Variants in OSBPL7 observed in about 807,000 individuals in gnomAD.
The protein encoded by OSBPL7 is oxysterol-binding protein-related protein 7.
OSBPL7 carries 66 observed loss-of-function variants against 115.8 expected under a neutral mutation model. That is an observed-to-expected ratio of 0.57 (90% CI 0.47 to 0.70). The LOEUF is 0.70. Ranked by LOEUF, OSBPL7 falls within the 30% of genes least tolerant of loss-of-function variation. The pLI is 0.00. For synonymous variants in OSBPL7, 441 were observed against 439.2 expected, an observed-to-expected ratio of 1.00 and a Z score of -0.05; for missense variants, 902 against 1,125.5, an observed-to-expected ratio of 0.80 and a Z score of 2.84.
intron 1 of OSBPL7, among the ~76,000 whole-genome samples, chr17:47,821,427 A>G (rs1449785009): frequency 1.3e-5 from 2 of 152,290 alleles, no homozygotes; most frequent in Non-Finnish European, 1.5e-5. Flanking sequence ...TCAGCCATTG[A>G]AAGTTCTCAA....
chr17:47,818,730 G>A, intron 5 of OSBPL7, 114 bp from the exon 6 acceptor site: 2 of 971,044 alleles, frequency 2.1e-6, no homozygotes, highest in East Asian at 2.6e-5. Flanking sequence ...ACAGAGCCTG[G>A]TTTGTGCAAG....
intron 12 of OSBPL7, chr17:47,815,726 C>T (rs1405634259): frequency 6.5e-6 from 2 of 308,388 alleles, no homozygotes; most frequent in African/African-American, 2.2e-5. Context: ...ATCACAAAGC[C>T]GGCAGGCAGG....
chr17:47,821,578 C>T (rs1195012892), intron 1 of OSBPL7, 88 bp downstream of exon 1: 1 of 152,248 alleles, frequency 6.6e-6, no homozygotes, highest in African/African-American at 2.4e-5. Context: ...TGCCCCCTCT[C>T]CACCTCTATT....
chr17:47,818,431 T>C (rs747565705), intron 6 of OSBPL7, 45 bp from the exon 7 acceptor site: 1 of 1,599,046 alleles, frequency 6.3e-7, no homozygotes, highest in South Asian at 1.1e-5. Context: ...CCCACCTCCC[T>C]GGGTCTCACA....
intron 4 of OSBPL7, chr17:47,819,409 C>A (rs1272900590): frequency 1.8e-6 from 1 of 564,468 alleles, no homozygotes; most frequent in East Asian, 3.0e-5. Context: ...GCCTTCAGTT[C>A]CTTGTTCCCA....
Position 47,816,727 on chromosome 17 carries a change from G to A in OSBPL7, c.796-32C>T, listed in dbSNP as rs376662949. Reference sequence around the variant, plus strand: ...GTGAAGGGGAAGGGCTGAAGGGGCCGGCCTCCTTAGAGCATCCTGCCCCAG... The same window carrying A: ...GTGAAGGGGAAGGGCTGAAGGGGCCAGCCTCCTTAGAGCATCCTGCCCCAG... On this transcript the variant is annotated intron_variant, in intron 9 of 22. Transcript: ENST00000007414. The surrounding 1 kb of genome is among the most constrained non-coding windows in gnomAD (Gnocchi z 5.8). 189 of 1,613,864 alleles carry A rather than the reference G, an allele frequency of 1.2e-4. No homozygotes were observed. The highest frequency in any genetic ancestry group is 1.5e-4 in the Non-Finnish European group (175 of 1,179,924).
At position 47,819,737 on chromosome 17, in the gene OSBPL7, G is replaced by T. The variant is rs375843550; in HGVS notation, c.247C>A (p.Arg83=). ...EDGILHYATT[R]QDITKGKLHG... ...CCACTGCCCGGGCTCACGTCTTGCCGGGTTGTTGCATAATGAAGGATCCCG... is the reference window on the plus strand; with the variant it reads ...CCACTGCCCGGGCTCACGTCTTGCCTGGTTGTTGCATAATGAAGGATCCCG... The change falls in exon 4 of 23, where the codon CGG becomes AGG. Residue 83 remains arginine (R), a synonymous_variant. Coordinates refer to ENST00000007414, the MANE Select transcript of OSBPL7 (RefSeq NM_145798.3). 2 of 1,614,104 alleles carry T rather than the reference G, an allele frequency of 1.2e-6. No homozygotes were observed. Among genetic ancestry groups the T allele is most frequent in the Non-Finnish European group, 1.7e-6 (2 of 1,180,006 alleles).
In OSBPL7 at chr17:47,820,298, C is replaced by A; in HGVS notation, c.-20G>T. ...GTCCATGGAGAAGGGAGAGGCCACT[C>A]CCTGCTGGGGATGTAGAGCAGGGAG... On this transcript the variant is annotated 5_prime_UTR_variant, in exon 2 of 23. Coordinates refer to ENST00000007414, the MANE Select transcript of OSBPL7 (RefSeq NM_145798.3). 1 of 1,610,936 alleles carries A rather than the reference C, an allele frequency of 6.2e-7. No individual in the cohort carries two copies. The highest frequency in any genetic ancestry group is 8.5e-7 in the Non-Finnish European group (1 of 1,178,510).
intron 13 of OSBPL7, 91 bp downstream of exon 13, chr17:47,815,124 G>A: frequency 1.3e-6 from 2 of 1,490,628 alleles, no homozygotes; most frequent in South Asian, 1.3e-5. Flanking sequence ...GTGAGAAGGG[G>A]CTGAGGAATC....
Position 47,808,734 on chromosome 17 carries a change from C to G in OSBPL7, c.2298-74G>C. The G allele has an allele frequency of 5.6e-6, 9 of 1,605,626 alleles. No individual in the cohort carries two copies. In the South Asian group the frequency reaches 1.0e-4, roughly 18 times the overall value. On this transcript the variant is annotated intron_variant, in intron 21 of 22. Transcript: ENST00000007414. The surrounding 1 kb of genome is among the most constrained non-coding windows in gnomAD (Gnocchi z 6.1). The stretch of plus-strand genomic sequence containing the variant: ...CCAAACCCAAGGCCTCTGTCTCTGC[C>G]CAACTCTGTCCTCTAGACAAGCCCC...
intron 15 of OSBPL7, 50 bp from the exon 16 acceptor site, chr17:47,813,453 C>T: frequency 6.2e-7 from 1 of 1,609,884 alleles, no homozygotes; most frequent in South Asian, 1.1e-5. Flanking sequence ...GCCGCCACCC[C>T]AAGCAAGCAA....
In OSBPL7 at chr17:47,813,579, G is replaced by C. The variant is rs374704495; in HGVS notation, c.1599+8C>G. The C allele has an allele frequency of 1.2e-6, 2 of 1,607,466 alleles. No individual in the cohort carries two copies. Among genetic ancestry groups the C allele is most frequent in the African/African-American group, 1.3e-5 (1 of 74,964 alleles). Reference sequence around the variant, plus strand: ...CTTGGGCTGGGCGTGAGGACAGGAAGCAGGTACCATGCGCTCGCAGGGGTC... The same window carrying C: ...CTTGGGCTGGGCGTGAGGACAGGAACCAGGTACCATGCGCTCGCAGGGGTC... On this transcript the variant is annotated splice_region_variant and intron_variant, in intron 15 of 22. Coordinates refer to ENST00000007414, the MANE Select transcript of OSBPL7 (RefSeq NM_145798.3).
chr17:47,818,750 C>T, intron 5 of OSBPL7, 134 bp from the exon 6 acceptor site: 1 of 872,304 alleles, frequency 1.1e-6, no homozygotes, highest in Non-Finnish European at 1.8e-6. Context: ...GGCTCACTTG[C>T]AGGGAGACAG....
intron 18 of OSBPL7, among the ~76,000 whole-genome samples, chr17:47,809,974 A>G (rs774568778): frequency 3.1e-4 from 45 of 143,586 alleles, no homozygotes; most frequent in Non-Finnish European, 5.7e-4. Context: ...AGTGCAGTGC[A>G]GTGGTGCAAT....
intron 18 of OSBPL7, among the ~76,000 whole-genome samples, chr17:47,810,166 T>A (rs1005856082): frequency 2.6e-5 from 4 of 152,184 alleles, no homozygotes; most frequent in African/African-American, 9.6e-5. Flanking sequence ...ATACCCTTTT[T>A]CTTTCTGGCT....
In OSBPL7 at chr17:47,813,332, G is replaced by A; in HGVS notation, c.1671C>T (p.Asn557=). ...ACTCGTAGGTCTCCCCCAGGACAGG[G>A]TTGAAGGGCTTGCAGCCGGCTCGGT... ...TYHRAGCKPF[N]PVLGETYECE... The change falls in exon 16 of 23, where the codon AAC becomes AAT. Residue 557 remains asparagine (N), a synonymous_variant. Coordinates refer to ENST00000007414, the MANE Select transcript of OSBPL7 (RefSeq NM_145798.3). The A allele has an allele frequency of 6.2e-7, 1 of 1,614,110 alleles. No individual in the cohort carries two copies. The highest frequency in any genetic ancestry group is 1.7e-5 in the Admixed American group (1 of 60,028).
At chr17:47,818,128 G>A (rs2143555102) in intron 7 of OSBPL7, 141 bp downstream of exon 7, 1 of 708,650 alleles carries the variant, frequency 1.4e-6, no homozygotes, top group Non-Finnish European at 2.3e-6. Context: ...ACAGGGCCCA[G>A]GTAGACTGGA....
At chr17:47,810,443 G>T (rs979449169) in intron 18 of OSBPL7, 151 bp downstream of exon 18, 4 of 648,292 alleles carry the variant, frequency 6.2e-6, no homozygotes, top group Admixed American at 2.6e-5. Flanking sequence ...TGTAAATATA[G>T]GTGTAAAACC....
Position 47,809,318 on chromosome 17 carries a change from A to G in OSBPL7, c.2025+16T>C. On this transcript the variant is annotated intron_variant, in intron 19 of 22. Coordinates refer to ENST00000007414, the MANE Select transcript of OSBPL7 (RefSeq NM_145798.3). ...CTGCCGGGGATGGATGGGCAGGGTCAGGGTGGCACACACACCTTGCAGAAG... is the reference window on the plus strand; with the variant it reads ...CTGCCGGGGATGGATGGGCAGGGTCGGGGTGGCACACACACCTTGCAGAAG... 3 of 1,613,386 alleles carry G rather than the reference A, an allele frequency of 1.9e-6. No homozygotes were observed. Among genetic ancestry groups the G allele is most frequent in the Non-Finnish European group, 2.5e-6 (3 of 1,179,362 alleles).
Sources: gnomAD v4.1 joint callset for allele counts (sites outside exome capture counted in the v4.1 genomes callset) on GRCh38, gnomAD v4.1.1 for gene constraint, Gnocchi (gnomAD v3.1) non-coding constraint, MANE v1.5 for transcripts, NCBI Gene and HGNC (gene_info 2026-07-23, HGNC 2026-07-21) for gene names.